CNNM2: variants seen among roughly 807,000 people sequenced by gnomAD.
The protein encoded by CNNM2 is metal transporter CNNM2.
In CNNM2, 12 loss-of-function variants were observed where a neutral mutation model predicts 66.9. The observed-to-expected ratio is 0.18, with a 90% CI of 0.11 to 0.29. The LOEUF (loss-of-function observed/expected upper bound fraction) is 0.29, where lower values mean the gene tolerates loss of function less well. Among genes scored for constraint, CNNM2 ranks in the 10% least tolerant of loss-of-function variants. The probability of loss-of-function intolerance (pLI) is 1.00; values close to 1 mark genes in which losing one functional copy is unlikely to be tolerated. For synonymous variants in CNNM2, 557 were observed against 501.8 expected (o/e 1.11, Z -1.47); for missense variants, 705 against 1,167.7 (o/e 0.60, Z 5.77).
At chr10:102,941,305 G>A (rs554389986) in intron 1 of CNNM2, among the ~76,000 whole-genome samples, 54 of 151,172 alleles carry the variant, frequency 3.6e-4, no homozygotes, top group African/African-American at 1.3e-3. Flanking sequence ...ATGGGGTCTC[G>A]CTATGTTGCC....
chr10:102,999,090 A>T (rs181433225), intron 1 of CNNM2, among the ~76,000 whole-genome samples: 1 of 139,724 alleles, frequency 7.2e-6, no homozygotes, highest in Admixed American at 7.5e-5. Flanking sequence ...TTTTTTTTTG[A>T]GACGGAGTCT....
At chr10:103,032,312 G>A (rs780107614) in intron 1 of CNNM2, among the ~76,000 whole-genome samples, 9 of 151,998 alleles carry the variant, frequency 5.9e-5, no homozygotes, top group Non-Finnish European at 1.0e-4. Context: ...ACAGCTGGGC[G>A]TGATGGTGCA....
At chr10:103,017,386 A>G (rs191455410) in intron 1 of CNNM2, among the ~76,000 whole-genome samples, 2 of 152,292 alleles carry the variant, frequency 1.3e-5, no homozygotes, top group Admixed American at 1.3e-4. Flanking sequence ...TGGTTTCAGT[A>G]TCTAAGTGGG....
intron 3 of CNNM2, 44 bp from the exon 4 acceptor site, chr10:103,056,751 C>T: frequency 6.4e-7 from 1 of 1,557,594 alleles, no homozygotes. Context: ...TAATTTTTCT[C>T]TCTCTGTTTG....
In CNNM2 at chr10:103,087,140, A is replaced by ATGTTTTTTTT. The variant is rs2065827457; in HGVS notation, c.*9961_*9962insGTTTTTTTTT. The ATGTTTTTTTT allele has an allele frequency of 1.3e-5, 1 of 75,374 alleles. No homozygotes were observed. The highest frequency in any genetic ancestry group is 5.8e-5 in the African/African-American group (1 of 17,276). 4.7% of individuals were successfully genotyped at this position (75,374 alleles called of 1,614,324 possible). A position where few individuals can be genotyped will look rare whatever the true frequency, so the allele number is the denominator to read the frequency against. On this transcript the variant is annotated 3_prime_UTR_variant, in exon 8 of 8. Coordinates refer to ENST00000369878, the MANE Select transcript of CNNM2 (RefSeq NM_017649.5). The stretch of plus-strand genomic sequence containing the variant: ...TTCTCACGGTATAAAACTCCGCAGG[A>ATGTTTTTTTT]TTTTTTTTTTTTTTTTTTTTTTTTT...
At chr10:102,930,716 G>A (rs1236813566) in intron 1 of CNNM2, among the ~76,000 whole-genome samples, 2 of 152,106 alleles carry the variant, frequency 1.3e-5, no homozygotes, top group Non-Finnish European at 2.9e-5. Context: ...CTCATTTTCT[G>A]TTCCCCCTAG....
chr10:103,030,664 T>C (rs1414987811), intron 1 of CNNM2, among the ~76,000 whole-genome samples: 3 of 152,098 alleles, frequency 2.0e-5, no homozygotes, highest in Non-Finnish European at 4.4e-5. Flanking sequence ...GCTGAGATCA[T>C]GCCACTGCAC....
intron 3 of CNNM2, among the ~76,000 whole-genome samples, chr10:103,055,924 C>CTAAAAATACAAAAAT (rs2065287484): frequency 6.6e-6 from 1 of 151,958 alleles, no homozygotes; most frequent in Admixed American, 6.6e-5. Context: ...TCTATCTCCA[C>CTAAAAATACAAAAAT]TAAAAATACA....
At position 103,054,532 on chromosome 10, in the gene CNNM2, G is replaced by T; in HGVS notation, c.1903+66G>T. ...TGAAGCGTGTTTCTCACCCACCACTGACTGGGGTGGGTTGGGGGTGGACAC... is the reference window on the plus strand; with the variant it reads ...TGAAGCGTGTTTCTCACCCACCACTTACTGGGGTGGGTTGGGGGTGGACAC... On this transcript the variant is annotated intron_variant, in intron 3 of 7. Coordinates refer to ENST00000369878, the MANE Select transcript of CNNM2 (RefSeq NM_017649.5). This position sits in a 1 kb window ranked among gnomAD's most constrained non-coding sequence, Gnocchi z 5.2. 6.4e-7 allele frequency: 1 copy of T among 1,561,646 alleles called. No individual in the cohort carries two copies. Among genetic ancestry groups the T allele is most frequent in the South Asian group, 1.2e-5 (1 of 85,404 alleles).
At chr10:103,019,297 T>C (rs2064522065) in intron 1 of CNNM2, among the ~76,000 whole-genome samples, 1 of 146,730 alleles carries the variant, frequency 6.8e-6, no homozygotes, top group Non-Finnish European at 1.5e-5. Context: ...AGTAATGAAA[T>C]ACTGAACAAG....
At chr10:103,068,539 C>A in intron 4 of CNNM2, 90 bp from the exon 5 acceptor site, 1 of 1,095,576 alleles carries the variant, frequency 9.1e-7, no homozygotes, top group Non-Finnish European at 1.4e-6. Flanking sequence ...AGAAATCAGA[C>A]AAAAATCTAA....
At chr10:103,044,136 C>T (rs1425723192) in intron 1 of CNNM2, among the ~76,000 whole-genome samples, 1 of 152,106 alleles carries the variant, frequency 6.6e-6, no homozygotes, top group African/African-American at 2.4e-5. Context: ...TCATTCTTCT[C>T]GTTGGAAGTT....
At chr10:102,941,321 T>C (rs1846426019) in intron 1 of CNNM2, among the ~76,000 whole-genome samples, 2 of 152,250 alleles carry the variant, frequency 1.3e-5, no homozygotes, top group South Asian at 2.1e-4. Flanking sequence ...TTGCCCAGGC[T>C]GGTCTTAAAC....
At chr10:103,068,575 G>A (rs1052896508) in intron 4 of CNNM2, 54 bp from the exon 5 acceptor site, 72 of 1,366,620 alleles carry the variant, frequency 5.3e-5, no homozygotes, top group Non-Finnish European at 7.1e-5. Flanking sequence ...TGTACAGAGT[G>A]TGCCAGTAGG....
chr10:102,962,838 A>C (rs552665763), intron 1 of CNNM2, among the ~76,000 whole-genome samples: 1 of 152,240 alleles, frequency 6.6e-6, no homozygotes, highest in African/African-American at 2.4e-5. Context: ...TTCTTCCGTG[A>C]GCATTTATCC....
intron 1 of CNNM2, among the ~76,000 whole-genome samples, chr10:103,014,380 C>T (rs1249838438): frequency 1.3e-5 from 2 of 152,166 alleles, no homozygotes; most frequent in African/African-American, 4.8e-5. Flanking sequence ...TATATATTAA[C>T]TCAGTCCTCA....
At chr10:103,037,736 G>A (rs910425314) in intron 1 of CNNM2, among the ~76,000 whole-genome samples, 2 of 152,198 alleles carry the variant, frequency 1.3e-5, no homozygotes, top group African/African-American at 2.4e-5. Flanking sequence ...AGTTGTATAC[G>A]TTGAAAATAT....
At chr10:102,960,733 C>A (rs1034940481) in intron 1 of CNNM2, among the ~76,000 whole-genome samples, 1 of 151,406 alleles carries the variant, frequency 6.6e-6, no homozygotes, top group East Asian at 1.9e-4. Context: ...TATCCTCCCG[C>A]CTCAGCCTCC....
intron 1 of CNNM2, among the ~76,000 whole-genome samples, chr10:103,019,378 C>T (rs147057180): frequency 2.0e-5 from 3 of 151,750 alleles, no homozygotes; most frequent in African/African-American, 7.3e-5. Context: ...TTCTATTGGA[C>T]AAGACTAATT....
Sources: allele counts gnomAD v4.1 joint callset (sites outside exome capture counted in the v4.1 genomes callset), GRCh38; gene constraint gnomAD v4.1.1; non-coding constraint Gnocchi (gnomAD v3.1); transcripts MANE v1.5; gene names NCBI Gene and HGNC (gene_info 2026-07-23, HGNC 2026-07-21).